The following TMEM184B variants were observed in gnomAD, a reference collection of about 807,000 sequenced individuals.
TMEM184B encodes putative MAPK-activating protein FM08.
Under a neutral mutation model 41.8 loss-of-function variants are expected in TMEM184B, and 17 were observed. The observed-to-expected ratio is 0.41, with a 90% CI of 0.28 to 0.61. The LOEUF is 0.61. Among genes scored for constraint, TMEM184B ranks in the 20% least tolerant of loss-of-function variants. The probability of loss-of-function intolerance (pLI) is 0.34; values close to 1 mark genes in which losing one functional copy is unlikely to be tolerated. For missense variants in TMEM184B, 393 were observed against 557.8 expected, an observed-to-expected ratio of 0.70 and a Z score of 2.98; for synonymous variants, 240 against 229.5, an observed-to-expected ratio of 1.05 and a Z score of -0.41.
At chr22:38,257,142 A>G (rs2092295131) in intron 1 of TMEM184B, among the ~76,000 whole-genome samples, 1 of 151,642 alleles carries the variant, frequency 6.6e-6, no homozygotes, top group South Asian at 2.1e-4. Context: ...CCAAAACAAT[A>G]TGTCTGTCAC....
rs1476253689 is a variant in TMEM184B, at chr22:38,226,968, CAG to C, written c.526-100_526-99del. On this transcript the variant is annotated intron_variant, in intron 5 of 8. Coordinates refer to ENST00000361906, the MANE Select transcript of TMEM184B (RefSeq NM_012264.5). This position sits in a 1 kb window ranked among gnomAD's most constrained non-coding sequence, Gnocchi z 4.6. ...GACGGAACTGTACCGGATGGAGGGA[CAG>C]AGAGGATGAAGGAGACGGAGAGGAC... The C allele has an allele frequency of 8.8e-6, 11 of 1,255,032 alleles. No homozygotes were observed. The highest frequency in any genetic ancestry group is 1.2e-5 in the Non-Finnish European group (11 of 887,698). The allele number at this position is 1,255,032 out of a possible 1,614,324, so 77.7% of individuals were successfully genotyped here. A position where few individuals can be genotyped will look rare whatever the true frequency, so the allele number is the denominator to read the frequency against.
intron 3 of TMEM184B, among the ~76,000 whole-genome samples, chr22:38,241,759 C>CT (rs200532307): frequency 0.023 from 3,458 of 151,812 alleles, 116 homozygotes; most frequent in African/African-American, 0.078. Context: ...TGGCGGGCGC[C>CT]TGTAGTCCCA....
In TMEM184B at chr22:38,259,839, G is replaced by A. The variant is rs546602625; in HGVS notation, c.-58-11820C>T. Among the ~76,000 whole-genome samples the A allele has an allele frequency of 1.8e-4, 27 of 152,138 alleles. 1 individual carries two copies. Among genetic ancestry groups the A allele is most frequent in the African/African-American group, 2.2e-4 (9 of 41,508 alleles). ...GGCCCAGGCTGGAGTGCAGTGGTGC[G>A]ATCTCGGCTCACTGCAACCTCTGCC... On this transcript the variant is annotated intron_variant, in intron 1 of 8. Coordinates refer to ENST00000361906, the MANE Select transcript of TMEM184B (RefSeq NM_012264.5).
intron 2 of TMEM184B, chr22:38,246,973 G>C (rs1434473327): frequency 4.6e-6 from 4 of 864,370 alleles, no homozygotes; most frequent in Non-Finnish European, 6.5e-6. Context: ...TGGGGACACA[G>C]GGCAGCTGGC....
At chr22:38,250,077 G>A (rs1460904530) in intron 1 of TMEM184B, among the ~76,000 whole-genome samples, 2 of 152,234 alleles carry the variant, frequency 1.3e-5, no homozygotes, top group Non-Finnish European at 2.9e-5. Context: ...GAACCCAGAG[G>A]TCAACCTAGA....
chr22:38,262,216 A>G (rs2092381122), intron 1 of TMEM184B, among the ~76,000 whole-genome samples: 1 of 152,216 alleles, frequency 6.6e-6, no homozygotes, highest in African/African-American at 2.4e-5. Context: ...GCACCACGCG[A>G]AAGTGCCAAG....
intron 3 of TMEM184B, among the ~76,000 whole-genome samples, chr22:38,236,070 G>A (rs1022011904): frequency 2.6e-5 from 4 of 152,224 alleles, no homozygotes; most frequent in East Asian, 1.9e-4. Flanking sequence ...AGCAACCAGC[G>A]TGAGGGACCG....
At chr22:38,252,074 T>A (rs1462998670) in intron 1 of TMEM184B, among the ~76,000 whole-genome samples, 2 of 151,818 alleles carry the variant, frequency 1.3e-5, no homozygotes, top group Non-Finnish European at 2.9e-5. Context: ...TTTTTTTTTT[T>A]TTTGAGACAG....
At position 38,219,495 on chromosome 22, in the gene TMEM184B, T is replaced by G; in HGVS notation, c.*1974A>C. 1.0e-6 allele frequency: 1 copy of G among 985,354 alleles called. No homozygotes were observed. The highest frequency in any genetic ancestry group is 1.2e-6 in the Non-Finnish European group (1 of 829,808). 61.0% of individuals were successfully genotyped at this position (985,354 alleles called of 1,614,324 possible). A position where few individuals can be genotyped will look rare whatever the true frequency, so the allele number is the denominator to read the frequency against. On this transcript the variant is annotated 3_prime_UTR_variant, in exon 9 of 9. Transcript: ENST00000361906. ...CAATTAATTTTTCAAGTATTCTTTA[T>G]GTACAAAGAGCTACTCTACCTGGAA...
Position 38,232,460 on chromosome 22 carries a change from G to A in TMEM184B, c.359-1126C>T, listed in dbSNP as rs7289682. On this transcript the variant is annotated intron_variant, in intron 3 of 8. Coordinates refer to ENST00000361906, the MANE Select transcript of TMEM184B (RefSeq NM_012264.5). ...CAAATGGACATGCCAGGATGGAGGA[G>A]AGTGTGGAGAAGGCGGGGGAAGGGG... Among the ~76,000 whole-genome samples, 7 of 152,242 alleles carry A rather than the reference G, an allele frequency of 4.6e-5. No homozygotes were observed. The East Asian group carries it at 7.7e-4, about 17-fold the overall frequency.
intron 1 of TMEM184B, among the ~76,000 whole-genome samples, chr22:38,265,114 C>CTT (rs2092425294): frequency 6.6e-6 from 1 of 152,170 alleles, no homozygotes; most frequent in Non-Finnish European, 1.5e-5. Flanking sequence ...GAGGCTAGGA[C>CTT]CCCACATGCT....
Position 38,246,036 on chromosome 22 carries a change from A to G in TMEM184B, c.257T>C (p.Phe86Ser). 6.2e-7 allele frequency: 1 copy of G among 1,613,648 alleles called. No individual in the cohort carries two copies. Among genetic ancestry groups the G allele is most frequent in the Non-Finnish European group, 8.5e-7 (1 of 1,180,016 alleles). Residue 86 changes from phenylalanine to serine, a missense_variant, in exon 3 of 9, where the codon TTC (phenylalanine) becomes TCC (serine). By Grantham distance (155) the Phe-to-Ser change is radical (BLOSUM62 -2). Around this residue, in one of 2 missense-constraint regions of TMEM184B, gnomAD observed 122 missense variants for 123.7 expected, o/e 0.99. Transcript: ENST00000361906. ...NEQRYIVRILFIVPIYAFDSW... is the reference protein window; with the variant it reads ...NEQRYIVRILSIVPIYAFDSW... ...GTCAAAGGCGTAGATGGGCACGATG[A>G]AGAGGATGCGCACGATGTAGCGCTG...
chr22:38,246,704 G>T, intron 2 of TMEM184B: 1 of 936,268 alleles, frequency 1.1e-6, no homozygotes, highest in Non-Finnish European at 1.4e-6. Flanking sequence ...GCTCTGTTTA[G>T]TTAGGCAGCT....
chr22:38,231,264 C>A lies in TMEM184B; in HGVS notation c.429G>T (p.Glu143Asp). The change falls in exon 4 of 9, where the codon GAG becomes GAT. Residue 143 changes from glutamate to aspartate, a missense_variant. Coordinates refer to ENST00000361906, the MANE Select transcript of TMEM184B (RefSeq NM_012264.5). The part of the protein sequence containing the change: ...YLGGESSIMS[E>D]IRGKPIESSC... ...CTCACTCAATGGGTTTTCCTCTGAT[C>A]TCCGACATGATGGAACTTTCTCCTC... 2 of 1,614,140 alleles carry A rather than the reference C, an allele frequency of 1.2e-6. No homozygotes were observed. The highest frequency in any genetic ancestry group is 1.7e-6 in the Non-Finnish European group (2 of 1,180,010).
chr22:38,218,868 C>T (rs2091183209), downstream of TMEM184B, among the ~76,000 whole-genome samples: 1 of 152,230 alleles, frequency 6.6e-6, no homozygotes, highest in Admixed American at 6.5e-5. Flanking sequence ...GCACTGTGCC[C>T]ACAGCCAGCG....
chr22:38,265,226 C>T (rs1333481418), intron 1 of TMEM184B, among the ~76,000 whole-genome samples: 2 of 152,220 alleles, frequency 1.3e-5, no homozygotes, highest in Non-Finnish European at 2.9e-5. Context: ...ACCTCCTGCA[C>T]TTCACCTGCC....
At position 38,272,922 on chromosome 22, in the gene TMEM184B, G is replaced by A. The variant is rs570222051; in HGVS notation, c.-97C>T. On this transcript the variant is annotated 5_prime_UTR_variant, in exon 1 of 9. Coordinates refer to ENST00000361906, the MANE Select transcript of TMEM184B (RefSeq NM_012264.5). ...GGCGGTGGCGGCGTCTGCGGACGATGCGCGGCAGCCGGACTCTGCGGGCGG... is the reference window on the plus strand; with the variant it reads ...GGCGGTGGCGGCGTCTGCGGACGATACGCGGCAGCCGGACTCTGCGGGCGG... The A allele has an allele frequency of 1.8e-3, 1,088 of 606,100 alleles. 14 individuals are homozygous for A. In the African/African-American group the frequency reaches 0.02, roughly 11 times the overall value. The allele number at this position is 606,100 out of a possible 1,614,324, so 37.5% of individuals were successfully genotyped here. A position where few individuals can be genotyped will look rare whatever the true frequency, so the allele number is the denominator to read the frequency against.
chr22:38,232,978 A>G lies in TMEM184B; in HGVS notation c.359-1644T>C, dbSNP rs540383666. On this transcript the variant is annotated intron_variant, in intron 3 of 8. Coordinates refer to ENST00000361906, the MANE Select transcript of TMEM184B (RefSeq NM_012264.5). ...CCTACCCACGGAACCTGATTTGCAG[A>G]CACTTCCCACCCTGTGTCACAATGA... Among the ~76,000 whole-genome samples, 495 of 152,172 alleles carry G rather than the reference A, an allele frequency of 3.3e-3. 2 individuals are homozygous for G. Among genetic ancestry groups the G allele is most frequent in the African/African-American group, 0.012 (481 of 41,504 alleles).
At chr22:38,250,973 G>C (rs1355664625) in intron 1 of TMEM184B, among the ~76,000 whole-genome samples, 2 of 152,162 alleles carry the variant, frequency 1.3e-5, no homozygotes, top group African/African-American at 2.4e-5. Context: ...TCAGAGCCAG[G>C]ACTCAAGGCC....
Sources: allele counts gnomAD v4.1 joint callset (sites outside exome capture counted in the v4.1 genomes callset), GRCh38; gene constraint gnomAD v4.1.1; regional missense constraint gnomAD v4.1.1; non-coding constraint Gnocchi (gnomAD v3.1); transcripts MANE v1.5; gene names NCBI Gene and HGNC (gene_info 2026-07-23, HGNC 2026-07-21).